The following EFNA5 variants were observed in gnomAD, a reference collection of about 807,000 sequenced individuals.
The protein encoded by EFNA5 is ephrin A5.
A neutral mutation model predicts 22.9 loss-of-function variants in EFNA5; 5 were observed. The observed-to-expected ratio is 0.22, with a 90% confidence interval of 0.11 to 0.46. The LOEUF is 0.46. Ranked by LOEUF, EFNA5 falls within the 20% of genes least tolerant of loss-of-function variation. The pLI, the probability that EFNA5 is intolerant of heterozygous loss-of-function variation, is 0.99. For synonymous variants in EFNA5, 113 were observed against 112.2 expected, an observed-to-expected ratio of 1.01 and a Z score of -0.04; for missense variants, 237 against 293.3, an observed-to-expected ratio of 0.81 and a Z score of 1.40.
intron 1 of EFNA5, among the ~76,000 whole-genome samples, chr5:107,564,412 A>G (rs1748617024): frequency 6.6e-6 from 1 of 152,088 alleles, no homozygotes; most frequent in African/African-American, 2.4e-5. Flanking sequence ...AGCATTTGGT[A>G]TGTGCTTGAT....
At chr5:107,573,889 C>T (rs753504804) in intron 1 of EFNA5, among the ~76,000 whole-genome samples, 16 of 152,152 alleles carry the variant, frequency 1.1e-4, no homozygotes, top group South Asian at 2.1e-4. Flanking sequence ...CTGTTTGGCC[C>T]TGTGTCCACA....
At chr5:107,609,622 C>T (rs566321075) in intron 1 of EFNA5, among the ~76,000 whole-genome samples, 20 of 152,146 alleles carry the variant, frequency 1.3e-4, no homozygotes, top group Non-Finnish European at 2.2e-4. Context: ...CCACCAAAGT[C>T]GCCTCACCCT....
At chr5:107,471,328 G>A (rs1750136362) in intron 1 of EFNA5, among the ~76,000 whole-genome samples, 1 of 151,960 alleles carries the variant, frequency 6.6e-6, no homozygotes, top group Non-Finnish European at 1.5e-5. Flanking sequence ...CCTCCACTGG[G>A]CTTTCTTCAG....
In EFNA5 at chr5:107,405,151, T is replaced by C. The variant is rs141524993; in HGVS notation, c.419-17380A>G. Among the ~76,000 whole-genome samples the C allele has an allele frequency of 6.1e-4, 93 of 152,276 alleles. No individual in the cohort carries two copies. The East Asian group carries it at 0.017, about 28-fold the overall frequency. ...GCGATACTCGCCATGAAAGAAGACA[T>C]TTCCCAGCCTGGCCTTGCCATCTCT... is the stretch of plus-strand genomic sequence containing the variant. On this transcript the variant is annotated intron_variant, in intron 2 of 4. Coordinates refer to ENST00000333274, the MANE Select transcript of EFNA5 (RefSeq NM_001962.3).
intron 1 of EFNA5, among the ~76,000 whole-genome samples, chr5:107,510,403 G>A (rs1057186411): frequency 1.3e-5 from 2 of 152,120 alleles, no homozygotes; most frequent in Non-Finnish European, 2.9e-5. Flanking sequence ...AGAAATAACT[G>A]TAAGTATCCT....
chr5:107,661,264 G>A lies in EFNA5; in HGVS notation c.125+9225C>T, dbSNP rs1580588330. Among the ~76,000 whole-genome samples the A allele has an allele frequency of 1.3e-4, 20 of 152,304 alleles. 1 individual carries two copies. In the South Asian group the frequency reaches 4.1e-3, roughly 32 times the overall value. The stretch of plus-strand genomic sequence containing the variant: ...TTGAATAAAATTATTGGGAGGCAAA[G>A]ATTTATAGCGACTATATGGACAGAG... On this transcript the variant is annotated intron_variant, in intron 1 of 4. Coordinates refer to ENST00000333274, the MANE Select transcript of EFNA5 (RefSeq NM_001962.3).
At chr5:107,465,637 T>C (rs112038999) in intron 1 of EFNA5, among the ~76,000 whole-genome samples, 217 of 152,270 alleles carry the variant, frequency 1.4e-3, no homozygotes, top group Middle Eastern at 6.8e-3. Context: ...AGAGGTTTTA[T>C]TCTCATGCAA....
At chr5:107,533,334 A>G (rs1183882037) in intron 1 of EFNA5, among the ~76,000 whole-genome samples, 1 of 152,176 alleles carries the variant, frequency 6.6e-6, no homozygotes, top group Admixed American at 6.5e-5. Context: ...TGTAATGAGC[A>G]GAACACTTTA....
intron 1 of EFNA5, among the ~76,000 whole-genome samples, chr5:107,501,733 G>A (rs980495116): frequency 5.9e-5 from 9 of 151,908 alleles, no homozygotes; most frequent in African/African-American, 2.2e-4. Context: ...GCCTCACTTT[G>A]TTGAAGCAGC....
intron 1 of EFNA5, among the ~76,000 whole-genome samples, chr5:107,557,151 T>C (rs553781748): frequency 6.6e-5 from 10 of 152,300 alleles, no homozygotes; most frequent in African/African-American, 2.4e-4. Flanking sequence ...CCTTTTGAAC[T>C]GTAAGCTACA....
intron 1 of EFNA5, among the ~76,000 whole-genome samples, chr5:107,456,705 G>A (rs939056627): frequency 6.6e-6 from 1 of 152,094 alleles, no homozygotes; most frequent in African/African-American, 2.4e-5. Context: ...TTTAGATGGG[G>A]CTGATCTATA....
In EFNA5 at chr5:107,377,819, T is replaced by C. The variant is rs1250794168; in HGVS notation, c.*3436A>G. On this transcript the variant is annotated 3_prime_UTR_variant, in exon 5 of 5. Coordinates refer to ENST00000333274, the MANE Select transcript of EFNA5 (RefSeq NM_001962.3). Reference sequence around the variant, plus strand: ...TACAGAACTGTTTCTAAATTCCCTATCCTTTTCAAACCAACATGCTGGTGG... The same window carrying C: ...TACAGAACTGTTTCTAAATTCCCTACCCTTTTCAAACCAACATGCTGGTGG... 6.6e-6 allele frequency: 1 copy of C among 152,190 alleles called. No individual in the cohort carries two copies. Among genetic ancestry groups the C allele is most frequent in the Non-Finnish European group, 1.5e-5 (1 of 68,044 alleles). The allele number at this position is 152,190 out of a possible 1,614,324, so 9.4% of individuals were successfully genotyped here.
In EFNA5 at chr5:107,653,164, A is replaced by G. The variant is rs912048400; in HGVS notation, c.125+17325T>C. Among the ~76,000 whole-genome samples, 11 of 152,166 alleles carry G rather than the reference A, an allele frequency of 7.2e-5. 1 individual carries two copies. The highest frequency in any genetic ancestry group is 3.3e-4 in the Admixed American group (5 of 15,280). On this transcript the variant is annotated intron_variant, in intron 1 of 4. Coordinates refer to ENST00000333274, the MANE Select transcript of EFNA5 (RefSeq NM_001962.3). ...TCTTCCAAGTTCACCAAAATGCTGC[A>G]ATTTACATCTCCTTGAGAAGACAGC...
intron 1 of EFNA5, among the ~76,000 whole-genome samples, chr5:107,657,857 G>T (rs1750862506): frequency 6.6e-6 from 1 of 151,892 alleles, no homozygotes; most frequent in South Asian, 2.1e-4. Context: ...GTGAAGATCA[G>T]TAAAAACAAA....
chr5:107,445,629 C>T (rs539169818), intron 1 of EFNA5, among the ~76,000 whole-genome samples: 1 of 152,286 alleles, frequency 6.6e-6, no homozygotes, highest in East Asian at 1.9e-4. Context: ...GGATGTTCGA[C>T]AGAGGCAGAG....
At chr5:107,585,073 C>G (rs1248128192) in intron 1 of EFNA5, among the ~76,000 whole-genome samples, 3 of 152,118 alleles carry the variant, frequency 2.0e-5, no homozygotes, top group South Asian at 2.1e-4. Flanking sequence ...GATGGGCAGT[C>G]CCCATGGGCT....
chr5:107,506,022 A>G (rs1580501367), intron 1 of EFNA5: 1 of 152,196 alleles, frequency 6.6e-6, no homozygotes, highest in East Asian at 1.9e-4. Flanking sequence ...ACTATGCTAT[A>G]TTGCTCTAAA....
At chr5:107,530,477 A>G (rs1368365363) in intron 1 of EFNA5, among the ~76,000 whole-genome samples, 1 of 152,224 alleles carries the variant, frequency 6.6e-6, no homozygotes, top group Non-Finnish European at 1.5e-5. Context: ...GCTACCACAA[A>G]TAGTATTTGG....
At chr5:107,481,208 G>C (rs910605927) in intron 1 of EFNA5, among the ~76,000 whole-genome samples, 12 of 152,162 alleles carry the variant, frequency 7.9e-5, no homozygotes, top group African/African-American at 2.9e-4. Context: ...CGGTTCTCCT[G>C]TATTCAGGAG....
Sources: gnomAD v4.1 joint callset for allele counts (sites outside exome capture counted in the v4.1 genomes callset) on GRCh38, gnomAD v4.1.1 for gene constraint, MANE v1.5 for transcripts, NCBI Gene and HGNC (gene_info 2026-07-23, HGNC 2026-07-21) for gene names.